ADAM22: variants seen among roughly 807,000 people sequenced by gnomAD.
ADAM22 encodes disintegrin and metalloproteinase domain-containing protein 22.
ADAM22 carries 65 observed loss-of-function variants against 144.6 expected under a neutral mutation model. That is an observed-to-expected ratio of 0.45 (90% confidence interval 0.37 to 0.55). ADAM22 has a LOEUF of 0.55. Among genes scored for constraint, ADAM22 ranks in the 20% least tolerant of loss-of-function variants. The pLI is 0.00. For missense variants in ADAM22, 974 were observed against 1,184.9 expected (o/e 0.82, Z 2.61); for synonymous variants, 391 against 412.6 (o/e 0.95, Z 0.63).
At chr7:87,959,272 A>G (rs913251194) in intron 2 of ADAM22, among the ~76,000 whole-genome samples, 1 of 152,196 alleles carries the variant, frequency 6.6e-6, no homozygotes, top group African/African-American at 2.4e-5. Context: ...GTGAATAAGA[A>G]TAGTACCCAG....
At chr7:87,965,111 A>T (rs1848758419) in intron 2 of ADAM22, among the ~76,000 whole-genome samples, 1 of 152,168 alleles carries the variant, frequency 6.6e-6, no homozygotes, top group Non-Finnish European at 1.5e-5. Flanking sequence ...GGCAAACAAA[A>T]AAAAATGAAA....
chr7:87,980,953 A>G (rs1026686634), intron 3 of ADAM22, among the ~76,000 whole-genome samples: 4 of 152,298 alleles, frequency 2.6e-5, no homozygotes, highest in African/African-American at 7.2e-5. Context: ...GAGGTCAGCA[A>G]TGAGTCTTAT....
In ADAM22 at chr7:88,116,778, A is replaced by G. The variant is rs1827858872; in HGVS notation, c.571A>G (p.Arg191Gly). Residue 191 changes from arginine (R) to glycine (G), a missense_variant, in exon 7 of 32, where the codon AGA (arginine) becomes GGA (glycine). Arg to Gly is a moderately radical substitution (Grantham distance 125, BLOSUM62 -2). Coordinates refer to ENST00000413139, the MANE Select transcript of ADAM22 (RefSeq NM_001324418.2). ...DFHFHSVYKS[R>G]LFEFSLDDLP... ...CCATTTTCATTCAGTTTACAAATCC[A>G]GACTGTTTGAATTTTCCTTGGATGA... is the stretch of plus-strand genomic sequence containing the variant. 1 of 1,613,542 alleles carries G rather than the reference A, an allele frequency of 6.2e-7. No homozygotes were observed. Among genetic ancestry groups the G allele is most frequent in the African/African-American group, 1.3e-5 (1 of 74,928 alleles).
intron 7 of ADAM22, 101 bp from the exon 8 acceptor site, chr7:88,125,481 CATTATGT>C: frequency 3.0e-6 from 2 of 671,124 alleles, no homozygotes; most frequent in Non-Finnish European, 5.2e-6. Context: ...TTAAGTGCAA[CATTATGT>C]ATTATAAAAT....
intron 3 of ADAM22, among the ~76,000 whole-genome samples, chr7:88,070,408 G>A (rs1379738455): frequency 6.6e-6 from 1 of 152,174 alleles, no homozygotes; most frequent in East Asian, 1.9e-4. Flanking sequence ...GTCTGTCTGA[G>A]TTATAACAAA....
chr7:88,069,525 TACA>T (rs1166894665), intron 3 of ADAM22, among the ~76,000 whole-genome samples: 14 of 152,226 alleles, frequency 9.2e-5, no homozygotes, highest in African/African-American at 3.4e-4. Flanking sequence ...TTAGAAGAGT[TACA>T]ATTTATTGCC....
intron 4 of ADAM22, among the ~76,000 whole-genome samples, chr7:88,077,968 C>A (rs535122005): frequency 6.6e-6 from 1 of 152,342 alleles, no homozygotes; most frequent in East Asian, 1.9e-4. Flanking sequence ...ACTTAAATGT[C>A]CCTGTCTGTC....
intron 4 of ADAM22, among the ~76,000 whole-genome samples, chr7:88,088,399 G>A (rs1328364878): frequency 2.6e-5 from 4 of 151,610 alleles, no homozygotes; most frequent in African/African-American, 4.9e-5. Flanking sequence ...GATTCCTTTT[G>A]TGCTCATTTT....
intron 14 of ADAM22, 123 bp from the exon 15 acceptor site, chr7:88,142,903 C>A (rs1283455110): frequency 3.6e-6 from 2 of 558,130 alleles, no homozygotes; most frequent in African/African-American, 1.9e-5. Flanking sequence ...AAATGTCATA[C>A]ATAAGTAGAC....
rs35787636 is a variant in ADAM22, at chr7:87,967,807, CAAAAAAAAAA to C, written c.247-10515_247-10506del. Reference sequence around the variant, plus strand: ...TGAGCGACAGAGTGAGACTCTGTCTCAAAAAAAAAAAAAAAAAAAAAAAGTATATTGAGGT... The same window carrying C: ...TGAGCGACAGAGTGAGACTCTGTCTCAAAAAAAAAAAAAGTATATTGAGGT... On this transcript the variant is annotated intron_variant, in intron 2 of 31. Transcript: ENST00000413139. 4.2e-3 allele frequency among the ~76,000 whole-genome samples: 257 copies of C among 60,954 alleles called. 6 individuals are homozygous for C. Among genetic ancestry groups the C allele is most frequent in the Admixed American group, 0.013 (57 of 4,408 alleles). The allele number at this position is 60,954 out of a possible 152,430, so 40.0% of individuals were successfully genotyped here. A position where few individuals can be genotyped will look rare whatever the true frequency, so the allele number is the denominator to read the frequency against.
chr7:88,079,366 C>G (rs1320714695), intron 4 of ADAM22, among the ~76,000 whole-genome samples: 2 of 152,204 alleles, frequency 1.3e-5, no homozygotes, highest in Non-Finnish European at 2.9e-5. Context: ...GGGAAAGGAA[C>G]AACCGGTACC....
At chr7:87,957,673 A>G (rs1354382715) in intron 2 of ADAM22, among the ~76,000 whole-genome samples, 1 of 151,926 alleles carries the variant, frequency 6.6e-6, no homozygotes, top group Admixed American at 6.6e-5. Context: ...CTCTGCCTCC[A>G]GGGTTCAAGC....
intron 24 of ADAM22, among the ~76,000 whole-genome samples, chr7:88,167,385 A>T (rs778670006): frequency 6.6e-6 from 1 of 152,124 alleles, no homozygotes; most frequent in Admixed American, 6.6e-5. Flanking sequence ...CTTAAAGATT[A>T]TATCTCAGCC....
chr7:88,144,285 G>T (rs1835683090), intron 15 of ADAM22, among the ~76,000 whole-genome samples: 1 of 152,064 alleles, frequency 6.6e-6, no homozygotes, highest in Non-Finnish European at 1.5e-5. Flanking sequence ...GCTTTTGAAT[G>T]AATATTAGGT....
At chr7:87,968,844 G>A (rs1006879362) in intron 2 of ADAM22, among the ~76,000 whole-genome samples, 6 of 152,208 alleles carry the variant, frequency 3.9e-5, no homozygotes, top group Non-Finnish European at 8.8e-5. Context: ...TCTGCAGGCT[G>A]TACAGGCTTT....
chr7:88,040,414 G>A (rs1379629556), intron 3 of ADAM22, among the ~76,000 whole-genome samples: 1 of 151,936 alleles, frequency 6.6e-6, no homozygotes, highest in Non-Finnish European at 1.5e-5. Context: ...TTACAGGCGT[G>A]AGCCACTGAG....
At chr7:88,001,237 A>G in intron 3 of ADAM22, among the ~76,000 whole-genome samples, 1 of 152,224 alleles carries the variant, frequency 6.6e-6, no homozygotes, top group South Asian at 2.1e-4. Context: ...GCATATATAT[A>G]ATGAGATATC....
chr7:87,984,769 C>A (rs1688894), intron 3 of ADAM22, among the ~76,000 whole-genome samples: 2 of 151,962 alleles, frequency 1.3e-5, no homozygotes, highest in East Asian at 1.9e-4. Flanking sequence ...CAGCCTCAAC[C>A]CCCTGGGCTC....
At chr7:88,032,395 C>A (rs1189040485) in intron 3 of ADAM22, among the ~76,000 whole-genome samples, 1 of 152,186 alleles carries the variant, frequency 6.6e-6, no homozygotes, top group Non-Finnish European at 1.5e-5. Flanking sequence ...GCTTGTAGCC[C>A]CTTGGTTTTG....
Sources: allele counts gnomAD v4.1 joint callset (sites outside exome capture counted in the v4.1 genomes callset), GRCh38; gene constraint gnomAD v4.1.1; transcripts MANE v1.5; gene names NCBI Gene and HGNC (gene_info 2026-07-23, HGNC 2026-07-21).